ACTR3: variants seen among roughly 807,000 people sequenced by gnomAD.
ACTR3 encodes the protein actin-related protein 3.
A neutral mutation model predicts 56.8 loss-of-function variants in ACTR3; 12 were observed. The observed-to-expected ratio is 0.21, with a 90% CI of 0.14 to 0.34. The LOEUF (loss-of-function observed/expected upper bound fraction) is 0.34, where lower values mean the gene tolerates loss of function less well. Among genes scored for constraint, ACTR3 ranks in the 10% least tolerant of loss-of-function variants. The probability of loss-of-function intolerance (pLI) is 1.00; values close to 1 mark genes in which losing one functional copy is unlikely to be tolerated. For synonymous variants in ACTR3, 162 were observed against 167.4 expected (o/e 0.97, Z 0.25); for missense variants, 282 against 512.5 (o/e 0.55, Z 4.34).
intron 1 of ACTR3, among the ~76,000 whole-genome samples, chr2:113,894,268 T>G (rs1380171401): frequency 6.6e-6 from 1 of 152,124 alleles, no homozygotes; most frequent in African/African-American, 2.4e-5. Flanking sequence ...AAATTTTGTA[T>G]TTTTAGTAGA....
intron 3 of ACTR3, among the ~76,000 whole-genome samples, chr2:113,921,537 C>A (rs1396872808): frequency 6.6e-6 from 1 of 152,056 alleles, no homozygotes; most frequent in African/African-American, 2.4e-5. Context: ...TTTGTAAAAT[C>A]TTTTCCCGTA....
chr2:113,954,786 T>C (rs914808789), intron 10 of ACTR3: 6 of 152,150 alleles, frequency 3.9e-5, no homozygotes, highest in Non-Finnish European at 8.8e-5. Flanking sequence ...CACCCTTGTC[T>C]TATTCCTGTT....
intron 7 of ACTR3, 103 bp from the exon 8 acceptor site, chr2:113,942,083 G>GTT (rs70937252): frequency 1.8e-3 from 1,342 of 757,474 alleles, no homozygotes; most frequent in South Asian, 2.8e-3. Flanking sequence ...TTTCTGAAGA[G>GTT]TTTTTTTTTT....
At position 113,896,238 on chromosome 2, in the gene ACTR3, A is replaced by G. The variant is rs372945016; in HGVS notation, c.44+5915A>G. 5.6e-4 allele frequency among the ~76,000 whole-genome samples: 86 copies of G among 152,220 alleles called. No individual in the cohort carries two copies. The South Asian group carries it at 0.018, about 31-fold the overall frequency. On this transcript the variant is annotated intron_variant, in intron 1 of 11. Transcript: ENST00000263238. ...GCCTGGCACACAGTAAGGGCACAAT[A>G]TATTTTAAATATAATAATTGGTTGG...
intron 8 of ACTR3, among the ~76,000 whole-genome samples, chr2:113,950,277 C>T (rs1177693386): frequency 6.6e-6 from 1 of 152,216 alleles, no homozygotes; most frequent in East Asian, 1.9e-4. Context: ...ATCACAGCCT[C>T]CTTGTGTTTA....
rs550115226 is a variant in ACTR3 at position 113,947,632 on chromosome 2, C to T, written c.859-3847C>T. Among the ~76,000 whole-genome samples, 10 of 152,256 alleles carry T rather than the reference C, an allele frequency of 6.6e-5. No individual in the cohort carries two copies. In the East Asian group the frequency reaches 1.7e-3, roughly 26 times the overall value. The stretch of plus-strand genomic sequence containing the variant: ...TTGCACCATTGTACTCCAGTGTGAG[C>T]AACAGAGCAAGACCCTGTCTCATAA... On this transcript the variant is annotated intron_variant, in intron 8 of 11. Transcript: ENST00000263238.
chr2:113,930,548 C>T (rs924576508), intron 4 of ACTR3, among the ~76,000 whole-genome samples: 2 of 151,958 alleles, frequency 1.3e-5, no homozygotes, highest in Admixed American at 1.3e-4. Context: ...ATTAGATTGC[C>T]AGTCAGACTC....
At chr2:113,906,771 A>AATT (rs1679200244) in intron 1 of ACTR3, among the ~76,000 whole-genome samples, 2 of 152,104 alleles carry the variant, frequency 1.3e-5, no homozygotes, top group South Asian at 4.1e-4. Flanking sequence ...AAAATCATTT[A>AATT]ATTATATATG....
At chr2:113,944,622 C>T (rs148837303) in intron 8 of ACTR3, among the ~76,000 whole-genome samples, 12,863 of 130,440 alleles carry the variant, frequency 0.099, 947 homozygotes, top group African/African-American at 0.21. Flanking sequence ...ATTAGCTGGG[C>T]GTGGTGGTGG....
intron 3 of ACTR3, among the ~76,000 whole-genome samples, chr2:113,925,127 C>A (rs34819185): frequency 2.7e-5 from 4 of 150,882 alleles, no homozygotes; most frequent in African/African-American, 9.8e-5. Flanking sequence ...GAACTCCTGA[C>A]CTCAAATGAT....
intron 1 of ACTR3, among the ~76,000 whole-genome samples, chr2:113,905,574 A>G (rs1438172250): frequency 6.6e-6 from 1 of 152,126 alleles, no homozygotes; most frequent in Non-Finnish European, 1.5e-5. Flanking sequence ...ATTATTGTCT[A>G]ACCATCACCA....
chr2:113,955,377 C>T, intron 10 of ACTR3: 1 of 316,684 alleles, frequency 3.2e-6, no homozygotes, highest in Non-Finnish European at 5.8e-6. Flanking sequence ...AAAGTCAGAA[C>T]TGTATAAAAC....
intron 1 of ACTR3, among the ~76,000 whole-genome samples, chr2:113,891,378 T>G (rs1678891844): frequency 6.6e-6 from 1 of 152,196 alleles, no homozygotes; most frequent in African/African-American, 2.4e-5. Context: ...TGCGAAAATG[T>G]AGAGTGGCTT....
intron 1 of ACTR3, among the ~76,000 whole-genome samples, chr2:113,911,486 A>G (rs1679305674): frequency 7.2e-6 from 1 of 138,452 alleles, no homozygotes; most frequent in Non-Finnish European, 1.5e-5. Flanking sequence ...GTGGCATGAT[A>G]TTGCCTCACT....
intron 7 of ACTR3, 51 bp from the exon 8 acceptor site, chr2:113,942,135 A>G (rs139775628): frequency 7.1e-7 from 1 of 1,402,550 alleles, no homozygotes; most frequent in South Asian, 1.4e-5. Flanking sequence ...ATTCTTCTTT[A>G]CTGTTCCTAT....
chr2:113,935,967 T>C (rs1037549829), intron 6 of ACTR3, among the ~76,000 whole-genome samples: 1 of 152,126 alleles, frequency 6.6e-6, no homozygotes. Flanking sequence ...GTTATCAATA[T>C]GTAAAAGAAT....
intron 1 of ACTR3, 64 bp from the exon 2 acceptor site, chr2:113,913,108 T>G: frequency 8.9e-7 from 1 of 1,121,090 alleles, no homozygotes; most frequent in Non-Finnish European, 1.3e-6. Context: ...AATGAAATTC[T>G]AAGAAAGAAA....
intron 3 of ACTR3, among the ~76,000 whole-genome samples, chr2:113,923,496 C>T (rs1003849044): frequency 3.3e-5 from 5 of 152,012 alleles, no homozygotes; most frequent in Admixed American, 6.6e-5. Context: ...CCACCGTGCC[C>T]GGCTAATTTT....
rs1420873119 is a variant in ACTR3 at position 113,958,897 on chromosome 2, C to G, written c.*1442C>G. On this transcript the variant is annotated 3_prime_UTR_variant, in exon 12 of 12. Coordinates refer to ENST00000263238, the MANE Select transcript of ACTR3 (RefSeq NM_005721.5). ...AAGTGTTTAGTTTTTTGTTTTTACT[C>G]TAAAGATAGAATTGGGGAGTAAACT... 2.0e-5 allele frequency: 3 copies of G among 151,874 alleles called. No individual in the cohort carries two copies. In the East Asian group the frequency reaches 5.8e-4, roughly 29 times the overall value. The allele number at this position is 151,874 out of a possible 1,614,324, so 9.4% of individuals were successfully genotyped here.
Sources: allele counts gnomAD v4.1 joint callset (sites outside exome capture counted in the v4.1 genomes callset), GRCh38; gene constraint gnomAD v4.1.1; transcripts MANE v1.5; gene names NCBI Gene and HGNC (gene_info 2026-07-23, HGNC 2026-07-21).